TTC28: variants seen among roughly 807,000 people sequenced by gnomAD.
TTC28 encodes tetratricopeptide repeat protein 28.
Under a neutral mutation model 198.0 loss-of-function variants are expected in TTC28, and 61 were observed. The ratio of observed to expected loss-of-function variants is 0.31; its 90% confidence interval spans 0.25 to 0.38. The LOEUF is 0.38. Among genes scored for constraint, TTC28 ranks in the 10% least tolerant of loss-of-function variants. The pLI, the probability that TTC28 is intolerant of heterozygous loss-of-function variation, is 1.00. For synonymous variants in TTC28, 1,171 were observed against 1,297.8 expected (o/e 0.90, Z 2.10); for missense variants, 2,678 against 3,164.0 (o/e 0.85, Z 3.69).
intron 2 of TTC28, among the ~76,000 whole-genome samples, chr22:28,402,323 A>G (rs1163060073): frequency 6.6e-6 from 1 of 152,240 alleles, no homozygotes; most frequent in East Asian, 1.9e-4. Flanking sequence ...AGGGCTTACA[A>G]GCACTGTTAT....
intron 12 of TTC28, among the ~76,000 whole-genome samples, chr22:28,074,752 C>A (rs738473): frequency 3.2e-4 from 48 of 152,284 alleles, no homozygotes; most frequent in African/African-American, 9.9e-4. Context: ...ATTATCCCCC[C>A]CCATGTACAA....
chr22:28,254,068 C>A (rs970968292), intron 5 of TTC28, among the ~76,000 whole-genome samples: 1 of 149,260 alleles, frequency 6.7e-6, no homozygotes, highest in Non-Finnish European at 1.5e-5. Flanking sequence ...AACACCACTG[C>A]ACTCCAGCCT....
rs1401377662 is a variant in TTC28 at position 28,629,546 on chromosome 22, T to G, written c.381+6A>C. 1 of 1,539,568 alleles carries G rather than the reference T, an allele frequency of 6.5e-7. No homozygotes were observed. The highest frequency in any genetic ancestry group is 8.8e-7 in the Non-Finnish European group (1 of 1,141,488). On this transcript the variant is annotated splice_donor_region_variant and intron_variant, in intron 2 of 22. Coordinates refer to ENST00000397906, the MANE Select transcript of TTC28 (RefSeq NM_001145418.2). ...AAAATAAATCTTCATAGGTAAAAAT[T>G]TCTACCTTTGGCCACTTGGGATTGA...
chr22:28,558,187 C>G (rs1441497874), intron 2 of TTC28, among the ~76,000 whole-genome samples: 1 of 152,176 alleles, frequency 6.6e-6, no homozygotes, highest in Non-Finnish European at 1.5e-5. Context: ...CTTTCCTTAT[C>G]TATGCTCATC....
chr22:28,366,396 T>A (rs941064796), intron 2 of TTC28, among the ~76,000 whole-genome samples: 1 of 152,162 alleles, frequency 6.6e-6, no homozygotes, highest in Non-Finnish European at 1.5e-5. Flanking sequence ...ACTTAGTGAG[T>A]TCTAGTTACT....
intron 12 of TTC28, among the ~76,000 whole-genome samples, chr22:28,090,420 C>T (rs1941777658): frequency 6.6e-6 from 1 of 151,980 alleles, no homozygotes. Context: ...TTAATTGCAA[C>T]ATAACATTCT....
At chr22:28,464,590 A>G (rs951331004) in intron 2 of TTC28, among the ~76,000 whole-genome samples, 1 of 152,174 alleles carries the variant, frequency 6.6e-6, no homozygotes, top group Non-Finnish European at 1.5e-5. Context: ...ATAAAATTCT[A>G]TCTGTCTTCA....
chr22:28,105,403 T>A lies in TTC28; in HGVS notation c.3183A>T (p.Glu1061Asp). 1 of 1,551,708 alleles carries A rather than the reference T, an allele frequency of 6.4e-7. No individual in the cohort carries two copies. Among genetic ancestry groups the A allele is most frequent in the Non-Finnish European group, 8.7e-7 (1 of 1,146,998 alleles). Residue 1061 changes from glutamate (E) to aspartate (D), a missense_variant, in exon 8 of 23, where the codon GAA becomes GAT. This residue lies in a region of TTC28 where 727 missense variants were observed against 861.9 expected (regional missense o/e 0.84). Coordinates refer to ENST00000397906, the MANE Select transcript of TTC28 (RefSeq NM_001145418.2). ...TCTGTGCAGCAATGCTCAAGTGCTG[T>A]TCTTGATAGACCACAGCCCTCTCGA... ...GTFERAVVYQ[E>D]QHLSIAAQMN...
intron 2 of TTC28, among the ~76,000 whole-genome samples, chr22:28,324,733 C>A (rs957668194): frequency 6.6e-6 from 1 of 152,226 alleles, no homozygotes; most frequent in East Asian, 1.9e-4. Context: ...ACTGATGGAA[C>A]GTATCTAAAA....
At chr22:28,254,116 A>G (rs1280554584) in intron 5 of TTC28, among the ~76,000 whole-genome samples, 1 of 151,928 alleles carries the variant, frequency 6.6e-6, no homozygotes, top group Non-Finnish European at 1.5e-5. Flanking sequence ...AAAAAAAAAA[A>G]AGGAAAAAAA....
At chr22:28,401,113 A>G (rs998643899) in intron 2 of TTC28, among the ~76,000 whole-genome samples, 1 of 151,824 alleles carries the variant, frequency 6.6e-6, no homozygotes, top group Non-Finnish European at 1.5e-5. Context: ...AGAGTTGTTT[A>G]TAGTCTAAAA....
intron 5 of TTC28, among the ~76,000 whole-genome samples, chr22:28,200,362 AT>A (rs1925816690): frequency 6.6e-6 from 1 of 152,174 alleles, no homozygotes; most frequent in Non-Finnish European, 1.5e-5. Context: ...TTGCCTTTTG[AT>A]TTTTGCTTTA....
chr22:28,072,040 A>C (rs1016338207), intron 12 of TTC28, among the ~76,000 whole-genome samples: 21 of 152,196 alleles, frequency 1.4e-4, no homozygotes, highest in African/African-American at 4.8e-4. Flanking sequence ...GTCATTAACT[A>C]CCTGATCTGG....
At chr22:28,198,186 A>G (rs1430962230) in intron 5 of TTC28, among the ~76,000 whole-genome samples, 1 of 152,116 alleles carries the variant, frequency 6.6e-6, no homozygotes, top group Non-Finnish European at 1.5e-5. Flanking sequence ...TTGGGGCTAG[A>G]TAATTGTTGG....
At chr22:28,572,372 G>A (rs1293174357) in intron 2 of TTC28, among the ~76,000 whole-genome samples, 3 of 152,162 alleles carry the variant, frequency 2.0e-5, no homozygotes, top group East Asian at 1.9e-4. Flanking sequence ...AGCATTGTTC[G>A]TAATAGGAAA....
intron 10 of TTC28, 42 bp from the exon 11 acceptor site, chr22:28,096,450 T>C (rs1941977777): frequency 1.3e-6 from 2 of 1,544,702 alleles, no homozygotes; most frequent in Non-Finnish European, 1.7e-6. Flanking sequence ...ATAGTGAGTG[T>C]GCTTACTTAG....
At chr22:28,558,940 C>A (rs2049827957) in intron 2 of TTC28, among the ~76,000 whole-genome samples, 1 of 151,364 alleles carries the variant, frequency 6.6e-6, no homozygotes, top group African/African-American at 2.4e-5. Flanking sequence ...GAGGCTAAGG[C>A]AGGAGAATAG....
At chr22:27,996,070 T>C in intron 17 of TTC28, 65 bp downstream of exon 17, 1 of 1,507,796 alleles carries the variant, frequency 6.6e-7, no homozygotes, top group Middle Eastern at 1.7e-4. Context: ...AGGGAAACCC[T>C]TGCCTTCCCC....
At chr22:28,526,081 G>A (rs2048998787) in intron 2 of TTC28, among the ~76,000 whole-genome samples, 1 of 152,158 alleles carries the variant, frequency 6.6e-6, no homozygotes, top group South Asian at 2.1e-4. Context: ...TGTAAGTACG[G>A]GACGGGGCTG....
Sources: gnomAD v4.1 joint callset for allele counts (sites outside exome capture counted in the v4.1 genomes callset) on GRCh38, gnomAD v4.1.1 for gene constraint, gnomAD v4.1.1 regional missense constraint, MANE v1.5 for transcripts, NCBI Gene and HGNC (gene_info 2026-07-23, HGNC 2026-07-21) for gene names.